The following SEC14L1 variants were observed in gnomAD, a reference collection of about 807,000 sequenced individuals.
The protein encoded by SEC14L1 is SEC14-like protein 1.
SEC14L1 carries 48 observed loss-of-function variants against 85.3 expected under a neutral mutation model. The ratio of observed to expected loss-of-function variants is 0.56; its 90% CI spans 0.45 to 0.72. The LOEUF (loss-of-function observed/expected upper bound fraction) is 0.72, where lower values mean the gene tolerates loss of function less well. Among genes scored for constraint, SEC14L1 ranks in the 30% least tolerant of loss-of-function variants. The pLI is 0.00. For missense variants in SEC14L1, 682 were observed against 921.4 expected (o/e 0.74, Z 3.36); for synonymous variants, 391 against 355.5 (o/e 1.10, Z -1.12).
At chr17:77,182,405 G>T (rs1028950544) in intron 3 of SEC14L1, among the ~76,000 whole-genome samples, 5 of 152,222 alleles carry the variant, frequency 3.3e-5, no homozygotes, top group African/African-American at 1.2e-4. Context: ...AAGAGTGGGT[G>T]TAGGAAGGTG....
intron 14 of SEC14L1, chr17:77,209,865 CAG>C (rs1163203712): frequency 6.1e-6 from 1 of 162,610 alleles, no homozygotes; most frequent in East Asian, 1.8e-4. Flanking sequence ...TTTTTCTAGA[CAG>C]AGTTTTGCTC....
At chr17:77,195,407 C>T (rs1975758866) in intron 7 of SEC14L1, among the ~76,000 whole-genome samples, 1 of 152,072 alleles carries the variant, frequency 6.6e-6, no homozygotes, top group Non-Finnish European at 1.5e-5. Context: ...CAACCTCCGT[C>T]TCCCGGGTTC....
chr17:77,104,728 T>C (rs1598222618), intron 3 of SEC14L1, among the ~76,000 whole-genome samples: 1 of 148,350 alleles, frequency 6.7e-6, no homozygotes, highest in African/African-American at 2.5e-5. Flanking sequence ...GGGGTGGAGG[T>C]TGCAGTGAGC....
chr17:77,108,785 T>TC (rs1308375665), intron 3 of SEC14L1, among the ~76,000 whole-genome samples: 1 of 20,020 alleles, frequency 5.0e-5, no homozygotes, highest in African/African-American at 2.0e-4. Context: ...CATCTCTGTC[T>TC]CCAAAAAAAA....
chr17:77,100,426 C>CTTTT (rs1459984586), intron 3 of SEC14L1, among the ~76,000 whole-genome samples: 14 of 54,806 alleles, frequency 2.6e-4, no homozygotes, highest in Non-Finnish European at 3.1e-4. Flanking sequence ...CTCTCTCTCT[C>CTTTT]TCTTTTTTTT....
At chr17:77,140,004 T>A (rs573214803), upstream of SEC14L1, among the ~76,000 whole-genome samples, 1 of 152,314 alleles carries the variant, frequency 6.6e-6, no homozygotes, top group South Asian at 2.1e-4. Flanking sequence ...CAGCATGAAA[T>A]GTACAGCCAC....
At chr17:77,098,227 A>G (rs1020426877) in intron 3 of SEC14L1, among the ~76,000 whole-genome samples, 1 of 152,128 alleles carries the variant, frequency 6.6e-6, no homozygotes, top group African/African-American at 2.4e-5. Context: ...GGCCCGGTGC[A>G]GTGGCTCATG....
chr17:77,213,282 G>T lies in SEC14L1; in HGVS notation c.1864-32G>T, dbSNP rs1386643967. ...GTAGGCCAGGGGTCGGAAGCGAGTC[G>T]CCCTCAGCTGCCACTGCCCTACTTG... is the stretch of plus-strand genomic sequence containing the variant. On this transcript the variant is annotated intron_variant, in intron 15 of 16. Transcript: ENST00000436233. The surrounding 1 kb of genome is among the most constrained non-coding windows in gnomAD (Gnocchi z 7.1). 1 of 1,570,008 alleles carries T rather than the reference G, an allele frequency of 6.4e-7. No individual in the cohort carries two copies.
chr17:77,144,274 TATA>T (rs1442833169), intron 3 of SEC14L1, among the ~76,000 whole-genome samples: 1 of 152,134 alleles, frequency 6.6e-6, no homozygotes, highest in Non-Finnish European at 1.5e-5. Flanking sequence ...TACCAGAAAA[TATA>T]ATACAGACAG....
At chr17:77,151,368 G>T (rs1440978533) in intron 3 of SEC14L1, among the ~76,000 whole-genome samples, 1 of 152,134 alleles carries the variant, frequency 6.6e-6, no homozygotes, top group Non-Finnish European at 1.5e-5. Flanking sequence ...TGGACAATTA[G>T]AGTGAGCTTT....
chr17:77,100,094 C>G (rs1056981937), intron 3 of SEC14L1, among the ~76,000 whole-genome samples: 4 of 152,258 alleles, frequency 2.6e-5, no homozygotes, highest in Admixed American at 6.5e-5. Context: ...CCTTCAGCTT[C>G]GCTGGTTTTG....
intron 3 of SEC14L1, among the ~76,000 whole-genome samples, chr17:77,112,990 A>T (rs1325993308): frequency 6.6e-6 from 1 of 151,632 alleles, no homozygotes; most frequent in Non-Finnish European, 1.5e-5. Context: ...GCAAAGCAAG[A>T]CTCTTTCTCT....
chr17:77,209,126 G>A (rs922261659), intron 13 of SEC14L1, among the ~76,000 whole-genome samples: 1 of 152,168 alleles, frequency 6.6e-6, no homozygotes, highest in Non-Finnish European at 1.5e-5. Context: ...GCTTCAACTT[G>A]TTCCCGTTTA....
At chr17:77,159,297 C>A (rs1973954664) in intron 3 of SEC14L1, among the ~76,000 whole-genome samples, 1 of 151,738 alleles carries the variant, frequency 6.6e-6, no homozygotes, top group Non-Finnish European at 1.5e-5. Flanking sequence ...GAACTTCTGA[C>A]CTCAGGCGAT....
At chr17:77,191,358 C>T in intron 5 of SEC14L1, 46 bp downstream of exon 5, 1 of 1,606,672 alleles carries the variant, frequency 6.2e-7, no homozygotes, top group Non-Finnish European at 8.5e-7. Context: ...CGACATATGG[C>T]TTCTGAGGAT....
intron 3 of SEC14L1, among the ~76,000 whole-genome samples, chr17:77,111,371 G>GT (rs1972041788): frequency 6.6e-6 from 1 of 151,402 alleles, no homozygotes; most frequent in African/African-American, 2.4e-5. Context: ...ATAAAAGATT[G>GT]TGGAGACCAA....
chr17:77,206,593 T>C lies in SEC14L1; in HGVS notation c.1342-135T>C. The C allele has an allele frequency of 8.0e-7, 1 of 1,243,184 alleles. No individual in the cohort carries two copies. The highest frequency in any genetic ancestry group is 1.1e-6 in the Non-Finnish European group (1 of 892,014). 77.0% of individuals were successfully genotyped at this position (1,243,184 alleles called of 1,614,324 possible). A position where few individuals can be genotyped will look rare whatever the true frequency, so the allele number is the denominator to read the frequency against. On this transcript the variant is annotated intron_variant, in intron 12 of 16. Coordinates refer to ENST00000436233, the MANE Select transcript of SEC14L1 (RefSeq NM_001143998.2). This position sits in a 1 kb window ranked among gnomAD's most constrained non-coding sequence, Gnocchi z 4.3. ...TGTGAGTGTCCTAATGCCATGCAAATAGACTTTACAGAAGAAGTATATAAA... is the reference window on the plus strand; with the variant it reads ...TGTGAGTGTCCTAATGCCATGCAAACAGACTTTACAGAAGAAGTATATAAA...
chr17:77,198,598 G>A (rs538846589), intron 8 of SEC14L1, among the ~76,000 whole-genome samples: 27 of 148,206 alleles, frequency 1.8e-4, no homozygotes, highest in African/African-American at 5.2e-4. Flanking sequence ...TTTTTGAGAC[G>A]GAGTCTCGCC....
At chr17:77,194,983 C>T (rs768907466) in intron 7 of SEC14L1, 72 bp downstream of exon 7, 3 of 1,114,922 alleles carry the variant, frequency 2.7e-6, no homozygotes, top group South Asian at 1.3e-5. Context: ...TCTCTGTTTG[C>T]TCTGCCTGTT....
Sources: allele counts gnomAD v4.1 joint callset (sites outside exome capture counted in the v4.1 genomes callset), GRCh38; gene constraint gnomAD v4.1.1; non-coding constraint Gnocchi (gnomAD v3.1); transcripts MANE v1.5; gene names NCBI Gene and HGNC (gene_info 2026-07-23, HGNC 2026-07-21).